The following VAT1L variants were observed in gnomAD, a reference collection of about 807,000 sequenced individuals.
The protein encoded by VAT1L is vesicle amine transport 1 like.
A neutral mutation model predicts 44.1 loss-of-function variants in VAT1L; 34 were observed. The observed-to-expected ratio is 0.77, with a 90% CI of 0.59 to 1.03. The LOEUF is 1.03. Ranked by LOEUF, VAT1L falls within the 50% of genes least tolerant of loss-of-function variation. The pLI is 0.00. For missense variants in VAT1L, 615 were observed against 538.8 expected (o/e 1.14, Z -1.40); for synonymous variants, 253 against 202.2 (o/e 1.25, Z -2.13).
intron 7 of VAT1L, among the ~76,000 whole-genome samples, chr16:77,897,300 C>A (rs548321551): frequency 2.3e-4 from 35 of 152,148 alleles, no homozygotes; most frequent in Admixed American, 6.5e-5. Flanking sequence ...GGGATACTAC[C>A]ATGTTCCTTG....
intron 7 of VAT1L, among the ~76,000 whole-genome samples, chr16:77,962,224 C>T (rs181627541): frequency 2.6e-4 from 39 of 152,260 alleles, no homozygotes; most frequent in Admixed American, 3.9e-4. Flanking sequence ...GTCCCACCCA[C>T]ACCACCAGGA....
chr16:77,795,908 C>T (rs576466904), intron 1 of VAT1L, among the ~76,000 whole-genome samples: 133 of 149,480 alleles, frequency 8.9e-4, no homozygotes, highest in African/African-American at 3.1e-3. Context: ...TCACTGCAAC[C>T]TCCACCTACC....
At chr16:77,824,599 C>T (rs1341709903) in intron 2 of VAT1L, among the ~76,000 whole-genome samples, 1 of 151,122 alleles carries the variant, frequency 6.6e-6, no homozygotes, top group Non-Finnish European at 1.5e-5. Context: ...ACTAAAAATA[C>T]AAAAAAATTA....
At chr16:77,861,800 T>C (rs1416480486) in intron 3 of VAT1L, among the ~76,000 whole-genome samples, 2 of 152,252 alleles carry the variant, frequency 1.3e-5, no homozygotes, top group Non-Finnish European at 2.9e-5. Flanking sequence ...GGATAAATAC[T>C]CCGGCTTCCT....
chr16:77,819,570 A>G (rs1476005243), intron 2 of VAT1L, among the ~76,000 whole-genome samples: 1 of 152,146 alleles, frequency 6.6e-6, no homozygotes, highest in African/African-American at 2.4e-5. Context: ...TTTAGTAAAG[A>G]CAGGGTTTCA....
intron 7 of VAT1L, among the ~76,000 whole-genome samples, chr16:77,969,107 C>G (rs2018253020): frequency 6.6e-6 from 1 of 152,220 alleles, no homozygotes; most frequent in African/African-American, 2.4e-5. Flanking sequence ...GCGTGAGCCA[C>G]TATGCCTGGC....
Position 77,879,347 on chromosome 16 carries a change from A to G in VAT1L, c.882+123A>G. On this transcript the variant is annotated intron_variant, in intron 6 of 8. Coordinates refer to ENST00000302536, the MANE Select transcript of VAT1L (RefSeq NM_020927.3). This position sits in a 1 kb window ranked among gnomAD's most constrained non-coding sequence, Gnocchi z 4.1. Reference sequence around the variant, plus strand: ...CGTTCTGTCACCAGGCTGGAGTGCAATGGCACGATCTCGGCTCATGGCAAC... The same window carrying G: ...CGTTCTGTCACCAGGCTGGAGTGCAGTGGCACGATCTCGGCTCATGGCAAC... 1.9e-6 allele frequency: 2 copies of G among 1,060,966 alleles called. No individual in the cohort carries two copies. Among genetic ancestry groups the G allele is most frequent in the South Asian group, 2.7e-5 (2 of 73,472 alleles). The allele number at this position is 1,060,966 out of a possible 1,614,324, so 65.7% of individuals were successfully genotyped here.
intron 3 of VAT1L, among the ~76,000 whole-genome samples, chr16:77,848,446 G>A (rs149473710): frequency 1.3e-5 from 2 of 152,240 alleles, no homozygotes; most frequent in African/African-American, 4.8e-5. Context: ...ATTGCCCCAT[G>A]TGGGACTATG....
chr16:77,976,577 C>T lies in VAT1L; in HGVS notation c.1162-1020C>T, dbSNP rs375547191. Among the ~76,000 whole-genome samples the T allele has an allele frequency of 9.2e-5, 14 of 152,098 alleles. No individual in the cohort carries two copies. The East Asian group carries it at 1.5e-3, about 17-fold the overall frequency. ...GACTCAAGTGTGGGAGATCTGGGGC[C>T]CAATCTAGATCAGGGGATAAGAACA... On this transcript the variant is annotated intron_variant, in intron 8 of 8. Transcript: ENST00000302536.
chr16:77,979,887 T>C lies in VAT1L; in HGVS notation c.*2192T>C, dbSNP rs1419349770. ...ACGTACTCTCATTTTAAGCACCTTC[T>C]TTCCTGTCTCTTGATTGTTTTTTCT... On this transcript the variant is annotated 3_prime_UTR_variant, in exon 9 of 9. Transcript: ENST00000302536. 1.3e-5 allele frequency: 2 copies of C among 152,630 alleles called. No individual in the cohort carries two copies. Among genetic ancestry groups the C allele is most frequent in the Non-Finnish European group, 2.9e-5 (2 of 68,038 alleles). 9.5% of individuals were successfully genotyped at this position (152,630 alleles called of 1,614,324 possible).
intron 4 of VAT1L, among the ~76,000 whole-genome samples, chr16:77,867,594 A>G (rs1316748107): frequency 6.6e-6 from 1 of 152,174 alleles, no homozygotes; most frequent in Non-Finnish European, 1.5e-5. Context: ...TTGGTGGCTC[A>G]TGCCTGTAAA....
chr16:77,968,295 T>G (rs2018244260), intron 7 of VAT1L, among the ~76,000 whole-genome samples: 1 of 152,022 alleles, frequency 6.6e-6, no homozygotes, highest in Non-Finnish European at 1.5e-5. Flanking sequence ...TCAGGGCCAG[T>G]CCACAGTGCA....
chr16:77,799,233 C>A (rs1430565583), intron 1 of VAT1L, among the ~76,000 whole-genome samples: 1 of 150,738 alleles, frequency 6.6e-6, no homozygotes, highest in Non-Finnish European at 1.5e-5. Flanking sequence ...CCTTGTCTCT[C>A]CCTCTCTCTC....
chr16:77,869,212 A>C (rs1451766560), intron 4 of VAT1L, among the ~76,000 whole-genome samples: 1 of 152,188 alleles, frequency 6.6e-6, no homozygotes, highest in Non-Finnish European at 1.5e-5. Context: ...TAGGGAAAAT[A>C]CTGCAAGATG....
chr16:77,863,551 G>C (rs2016938224), intron 4 of VAT1L, among the ~76,000 whole-genome samples: 1 of 152,190 alleles, frequency 6.6e-6, no homozygotes, highest in Admixed American at 6.5e-5. Flanking sequence ...TGTATAGATA[G>C]CACCTCTCTG....
At chr16:77,832,073 C>A (rs904459545) in intron 3 of VAT1L, among the ~76,000 whole-genome samples, 1 of 151,410 alleles carries the variant, frequency 6.6e-6, no homozygotes, top group Non-Finnish European at 1.5e-5. Flanking sequence ...GGCAATCCAC[C>A]AACCTCGGCT....
Position 77,817,008 on chromosome 16 carries a change from T to C in VAT1L, c.321T>C (p.Ser107=). ...KTPLVPGFEC[S]GIVEALGDSV... is the part of the protein sequence containing the mutation. ...CCCTGGTGCCAGGATTTGAGTGTTC[T>C]GGGATTGTTGAAGCTCTGGGGGACA... Residue 107 remains serine, a synonymous_variant, in exon 2 of 9, where the codon TCT becomes TCC. Transcript: ENST00000302536. 6.2e-7 allele frequency: 1 copy of C among 1,614,084 alleles called. No homozygotes were observed. The highest frequency in any genetic ancestry group is 8.5e-7 in the Non-Finnish European group (1 of 1,179,950).
chr16:77,801,640 C>T (rs1046772967), intron 1 of VAT1L: 1 of 151,660 alleles, frequency 6.6e-6, no homozygotes, highest in African/African-American at 2.4e-5. Flanking sequence ...ACTCTTCATA[C>T]TCCTACCCCT....
rs200010544 is a variant in VAT1L at position 77,802,330 on chromosome 16, A to C, written c.233+13415A>C. ...GTCTTGAGTCCCTTAGAAAACACTA[A>C]AGTTGCCGGGGCACCGTGGCCCACG... On this transcript the variant is annotated intron_variant, in intron 1 of 8. Transcript: ENST00000302536. Among the ~76,000 whole-genome samples, 14 of 152,130 alleles carry C rather than the reference A, an allele frequency of 9.2e-5. No individual in the cohort carries two copies. In the East Asian group the frequency reaches 2.1e-3, roughly 23 times the overall value.
Sources: gnomAD v4.1 joint callset for allele counts (sites outside exome capture counted in the v4.1 genomes callset) on GRCh38, gnomAD v4.1.1 for gene constraint, Gnocchi (gnomAD v3.1) non-coding constraint, MANE v1.5 for transcripts, NCBI Gene and HGNC (gene_info 2026-07-23, HGNC 2026-07-21) for gene names.